ZBTB7C: variants seen among roughly 807,000 people sequenced by gnomAD.
The protein encoded by ZBTB7C is zinc finger and BTB domain-containing protein 7C.
Under a neutral mutation model 25.7 loss-of-function variants are expected in ZBTB7C, and 8 were observed. The observed-to-expected ratio is 0.31, with a 90% CI of 0.18 to 0.56. The LOEUF is 0.56. Among genes scored for constraint, ZBTB7C ranks in the 20% least tolerant of loss-of-function variants. The pLI is 0.91. For missense variants in ZBTB7C, 824 were observed against 855.2 expected, an observed-to-expected ratio of 0.96 and a Z score of 0.46; for synonymous variants, 394 against 369.0, an observed-to-expected ratio of 1.07 and a Z score of -0.78.
intron 2 of ZBTB7C, among the ~76,000 whole-genome samples, chr18:48,197,954 G>A (rs1180679659): frequency 6.6e-6 from 1 of 152,072 alleles, no homozygotes; most frequent in African/African-American, 2.4e-5. Context: ...CTAACCACAT[G>A]TTTCTGTTCC....
In ZBTB7C at chr18:48,028,895, G is replaced by A; in HGVS notation, c.*365C>T. The A allele has an allele frequency of 7.7e-6, 2 of 260,174 alleles. No homozygotes were observed. Among genetic ancestry groups the A allele is most frequent in the South Asian group, 5.9e-5 (1 of 17,028 alleles). The allele number at this position is 260,174 out of a possible 1,614,324, so 16.1% of individuals were successfully genotyped here. A position where few individuals can be genotyped will look rare whatever the true frequency, so the allele number is the denominator to read the frequency against. On this transcript the variant is annotated 3_prime_UTR_variant, in exon 5 of 5. Transcript: ENST00000590800. Reference sequence around the variant, plus strand: ...TGCCCAGCCCCTACCTCCTCCTGCTGTGGCTGGCTGGGCACCAGGCCAACC... The same window carrying A: ...TGCCCAGCCCCTACCTCCTCCTGCTATGGCTGGCTGGGCACCAGGCCAACC...
At chr18:48,121,990 G>A (rs1013486424) in intron 3 of ZBTB7C, among the ~76,000 whole-genome samples, 1 of 152,202 alleles carries the variant, frequency 6.6e-6, no homozygotes, top group African/African-American at 2.4e-5. Context: ...CCAGTGACAT[G>A]CTGCAGTCCC....
At chr18:48,358,619 G>T (rs2047031947) in intron 1 of ZBTB7C, among the ~76,000 whole-genome samples, 1 of 152,194 alleles carries the variant, frequency 6.6e-6, no homozygotes, top group South Asian at 2.1e-4. Context: ...ACTCTTGCAG[G>T]CATGGAATTG....
intron 4 of ZBTB7C, among the ~76,000 whole-genome samples, chr18:48,032,422 GTTTTTTTTTTT>G (rs71165309): frequency 1.2e-4 from 8 of 65,060 alleles, no homozygotes; most frequent in African/African-American, 5.1e-4. Flanking sequence ...GACAAGGTAG[GTTTTTTTTTTT>G]TTTTTTTTTT....
chr18:48,346,219 C>G (rs1042439917), intron 1 of ZBTB7C, among the ~76,000 whole-genome samples: 32 of 152,220 alleles, frequency 2.1e-4, no homozygotes, highest in African/African-American at 7.7e-4. Context: ...CAGCTTCACC[C>G]CACAAAGCAC....
At chr18:48,086,417 T>G (rs574776827) in intron 3 of ZBTB7C, among the ~76,000 whole-genome samples, 1 of 152,318 alleles carries the variant, frequency 6.6e-6, no homozygotes, top group South Asian at 2.1e-4. Flanking sequence ...AGAGCCTGCA[T>G]TTCTACCTAC....
chr18:48,127,004 G>A (rs1390781355), intron 3 of ZBTB7C, among the ~76,000 whole-genome samples: 6 of 152,164 alleles, frequency 3.9e-5, no homozygotes, highest in East Asian at 1.9e-4. Flanking sequence ...AGGAAGATGC[G>A]CGTGGCTCAG....
chr18:48,081,591 G>C (rs540770366), intron 3 of ZBTB7C, among the ~76,000 whole-genome samples: 1 of 151,910 alleles, frequency 6.6e-6, no homozygotes, highest in Admixed American at 6.6e-5. Flanking sequence ...CCCTCTAAGT[G>C]ATTTCTTTAC....
At chr18:48,196,924 G>C (rs1568295784) in intron 2 of ZBTB7C, among the ~76,000 whole-genome samples, 1 of 152,204 alleles carries the variant, frequency 6.6e-6, no homozygotes, top group South Asian at 2.1e-4. Context: ...CTCTTGGAAA[G>C]AGAAAGCTAA....
intron 3 of ZBTB7C, among the ~76,000 whole-genome samples, chr18:48,099,362 A>T (rs550903692): frequency 6.6e-6 from 1 of 152,344 alleles, no homozygotes; most frequent in East Asian, 1.9e-4. Flanking sequence ...CACAGAAAAG[A>T]TGCTTAGTAT....
In ZBTB7C at chr18:48,203,924, C is replaced by G. The variant is rs990992349; in HGVS notation, c.-78-17929G>C. Among the ~76,000 whole-genome samples, 6 of 152,180 alleles carry G rather than the reference C, an allele frequency of 3.9e-5. No homozygotes were observed. In the East Asian group the frequency reaches 9.6e-4, roughly 24 times the overall value. On this transcript the variant is annotated intron_variant, in intron 2 of 4. Transcript: ENST00000590800. ...CTGAAGAGGGGGTGTCTCCTCTACT[C>G]ATAATTTCCCTGGGGATTTTTCAGT...
At chr18:48,161,917 C>G (rs2041065403) in intron 3 of ZBTB7C, among the ~76,000 whole-genome samples, 1 of 149,766 alleles carries the variant, frequency 6.7e-6, no homozygotes, top group Non-Finnish European at 1.5e-5. Flanking sequence ...CGCTCCAGCT[C>G]GACCTCCCCA....
chr18:48,255,572 T>G (rs1468265813), intron 2 of ZBTB7C, among the ~76,000 whole-genome samples: 1 of 152,196 alleles, frequency 6.6e-6, no homozygotes, highest in East Asian at 1.9e-4. Flanking sequence ...AATCTCTAAA[T>G]AGGGAAGTTT....
At chr18:48,298,284 A>AC (rs2045452557) in intron 2 of ZBTB7C, among the ~76,000 whole-genome samples, 2 of 151,736 alleles carry the variant, frequency 1.3e-5, no homozygotes, top group African/African-American at 4.8e-5. Context: ...TGTCTCAAAA[A>AC]AAAAAAAAAA....
At chr18:48,322,028 T>G (rs1057459268) in intron 2 of ZBTB7C, among the ~76,000 whole-genome samples, 6 of 152,162 alleles carry the variant, frequency 3.9e-5, no homozygotes, top group African/African-American at 1.2e-4. Flanking sequence ...CTCCTTTGAT[T>G]CACACCTGCC....
At chr18:48,399,063 G>A (rs2048098073) in intron 1 of ZBTB7C, among the ~76,000 whole-genome samples, 1 of 152,184 alleles carries the variant, frequency 6.6e-6, no homozygotes, top group Admixed American at 6.5e-5. Flanking sequence ...GATAAGTCAA[G>A]GTATAATTGT....
At chr18:48,049,371 C>T (rs2036596251) in intron 3 of ZBTB7C, among the ~76,000 whole-genome samples, 1 of 152,122 alleles carries the variant, frequency 6.6e-6, no homozygotes, top group Non-Finnish European at 1.5e-5. Context: ...CCTGAGGTTC[C>T]AGGCACACTT....
chr18:48,406,738 T>TA (rs1393455285), intron 1 of ZBTB7C, among the ~76,000 whole-genome samples: 1 of 152,212 alleles, frequency 6.6e-6, no homozygotes, highest in Non-Finnish European at 1.5e-5. Context: ...CAATCAAACT[T>TA]ACAAAATATT....
At chr18:48,123,891 G>C (rs1001666010) in intron 3 of ZBTB7C, among the ~76,000 whole-genome samples, 1 of 152,098 alleles carries the variant, frequency 6.6e-6, no homozygotes, top group Non-Finnish European at 1.5e-5. Context: ...TAATGTGAAG[G>C]GTTGTTTCTC....
Sources: gnomAD v4.1 joint callset for allele counts (sites outside exome capture counted in the v4.1 genomes callset) on GRCh38, gnomAD v4.1.1 for gene constraint, MANE v1.5 for transcripts, NCBI Gene and HGNC (gene_info 2026-07-23, HGNC 2026-07-21) for gene names.